Variants in SCN10A observed in about 807,000 individuals in gnomAD.
SCN10A encodes sodium channel protein type 10 subunit alpha.
Under a neutral mutation model 170.7 loss-of-function variants are expected in SCN10A, and 162 were observed. The observed-to-expected ratio is 0.95, with a 90% CI of 0.84 to 1.08. The LOEUF (loss-of-function observed/expected upper bound fraction) is 1.08. Among genes scored for constraint, SCN10A ranks in the 50% least tolerant of loss-of-function variants. The pLI, the probability that SCN10A is intolerant of heterozygous loss-of-function variation, is 0.00. For synonymous variants in SCN10A, 985 were observed against 904.6 expected (o/e 1.09, Z -1.59); for missense variants, 2,527 against 2,436.9 (o/e 1.04, Z -0.78).
chr3:38,797,964 G>T (rs954957954), intron 1 of SCN10A, among the ~76,000 whole-genome samples: 9 of 152,174 alleles, frequency 5.9e-5, no homozygotes, highest in Non-Finnish European at 1.2e-4. Context: ...ATGTAGGTAT[G>T]AGGGACCAGT....
intron 16 of SCN10A, 81 bp downstream of exon 16, chr3:38,728,461 C>T (rs1276781099): frequency 7.1e-6 from 10 of 1,413,252 alleles, no homozygotes; most frequent in Non-Finnish European, 9.4e-6. Flanking sequence ...CATAAAAATG[C>T]AGATCAAAGC....
chr3:38,723,539 T>C lies in SCN10A; in HGVS notation c.3243A>G (p.Thr1081=), dbSNP rs749507043. The part of the protein sequence containing the change: ...PQVPAEGVDD[T]SSSEGSTVDC... ...CCACCGTGCTGCCCTCAGAGGAGCT[T>C]GTGTCGTCCACTCCCTGCAGGGGAG... The change falls in exon 19 of 28, where the codon ACA becomes ACG. Residue 1081 remains threonine, a synonymous_variant. Transcript: ENST00000449082. 1.3e-6 allele frequency: 2 copies of C among 1,599,328 alleles called. No homozygotes were observed. Among genetic ancestry groups the C allele is most frequent in the Non-Finnish European group, 1.7e-6 (2 of 1,172,326 alleles).
chr3:38,736,482 AT>A (rs1460549380), intron 15 of SCN10A, among the ~76,000 whole-genome samples: 2 of 151,860 alleles, frequency 1.3e-5, no homozygotes, highest in African/African-American at 4.8e-5. Context: ...TGTCCTGAAA[AT>A]AAAGTCTATT....
At chr3:38,763,763 T>A (rs926955571) in intron 5 of SCN10A, among the ~76,000 whole-genome samples, 167 bp from the exon 6 acceptor site, 2 of 152,216 alleles carry the variant, frequency 1.3e-5, no homozygotes, top group East Asian at 3.8e-4. Flanking sequence ...ACTGATTTCA[T>A]TATTGCAACA....
At chr3:38,722,192 G>C in intron 20 of SCN10A, 66 bp downstream of exon 20, 1 of 1,495,962 alleles carries the variant, frequency 6.7e-7, no homozygotes. Flanking sequence ...TGCAGCTCCA[G>C]GGCCTTTGGA....
intron 3 of SCN10A, 40 bp from the exon 4 acceptor site, chr3:38,789,076 T>G (rs762942133): frequency 8.7e-7 from 1 of 1,144,190 alleles, no homozygotes; most frequent in Admixed American, 1.7e-5. Context: ...GATCACCAAG[T>G]CTCTGTGATG....
intron 21 of SCN10A, among the ~76,000 whole-genome samples, chr3:38,714,827 T>C (rs62242432): frequency 0.062 from 9,384 of 152,146 alleles, 343 homozygotes; most frequent in South Asian, 0.11. Context: ...GAAACTTACA[T>C]GAAAAAAGTT....
Position 38,757,054 on chromosome 3 carries a change from G to A in SCN10A, c.1056C>T (p.Leu352=), listed in dbSNP as rs1330425734. ...GGCGTTCCCAGGAATCCTGTGTCATGAGGCGGAACAGTGAGAGGAAAGCCC... is the reference window on the plus strand; with the variant it reads ...GGCGTTCCCAGGAATCCTGTGTCATAAGGCGGAACAGTGAGAGGAAAGCCC... The part of the protein sequence containing the change: ...FAWAFLSLFR[L]MTQDSWERLY... The change falls in exon 9 of 28, where the codon CTC becomes CTT. Residue 352 remains leucine, a synonymous_variant. Coordinates refer to ENST00000449082, the MANE Select transcript of SCN10A (RefSeq NM_006514.4). The A allele has an allele frequency of 6.2e-7, 1 of 1,613,310 alleles. No individual in the cohort carries two copies.
chr3:38,708,862 G>A (rs553260454), intron 25 of SCN10A, among the ~76,000 whole-genome samples: 11 of 152,248 alleles, frequency 7.2e-5, no homozygotes, highest in African/African-American at 2.4e-4. Context: ...CTTTTCTCTC[G>A]GGATCTCAGT....
intron 4 of SCN10A, among the ~76,000 whole-genome samples, chr3:38,785,385 G>T (rs987795333): frequency 6.6e-6 from 1 of 152,146 alleles, no homozygotes; most frequent in African/African-American, 2.4e-5. Context: ...ATGGGGAAAG[G>T]ATTCCCTATT....
chr3:38,799,383 G>A (rs1329939692), intron 1 of SCN10A, among the ~76,000 whole-genome samples: 1 of 152,156 alleles, frequency 6.6e-6, no homozygotes, highest in Admixed American at 6.6e-5. Context: ...TCCCCAATGT[G>A]TTCTGCAGAA....
At chr3:38,766,735 T>C (rs1327983585) in intron 5 of SCN10A, among the ~76,000 whole-genome samples, 2 of 152,140 alleles carry the variant, frequency 1.3e-5, no homozygotes. Flanking sequence ...AGGGTGATAC[T>C]GGCTTCATAA....
rs1476277900 is a variant in SCN10A, at chr3:38,771,546, GGGAAGAA to G, written c.471-146_471-140del. Reference sequence around the variant, plus strand: ...AAAGAATATCACCAAGGTGATGAGGGGGAAGAAGGTAAGGAGAGGAAACAAGACACAG... The same window carrying G: ...AAAGAATATCACCAAGGTGATGAGGGGGTAAGGAGAGGAAACAAGACACAG... On this transcript the variant is annotated intron_variant, in intron 4 of 27. Transcript: ENST00000449082. The G allele has an allele frequency of 4.9e-6, 4 of 814,042 alleles. No homozygotes were observed. The African/African-American group carries it at 6.8e-5, about 14-fold the overall frequency. 50.4% of individuals were successfully genotyped at this position (814,042 alleles called of 1,614,324 possible).
At chr3:38,768,245 A>T (rs752425890) in intron 5 of SCN10A, among the ~76,000 whole-genome samples, 9 of 151,852 alleles carry the variant, frequency 5.9e-5, no homozygotes, top group South Asian at 2.1e-4. Flanking sequence ...TACACTCAAC[A>T]TCAGTATTGA....
At chr3:38,703,191 C>T (rs2063175108) in intron 26 of SCN10A, among the ~76,000 whole-genome samples, 1 of 152,210 alleles carries the variant, frequency 6.6e-6, no homozygotes, top group Non-Finnish European at 1.5e-5. Context: ...TTCTTCATTA[C>T]TGCCGCTTGC....
chr3:38,715,350 C>A (rs556708490), intron 21 of SCN10A, among the ~76,000 whole-genome samples: 1 of 152,236 alleles, frequency 6.6e-6, no homozygotes, highest in African/African-American at 2.4e-5. Context: ...AGTCTCCAGG[C>A]CCTAGTACTG....
Position 38,697,254 on chromosome 3 carries a change from G to A in SCN10A, c.*95C>T. The A allele has an allele frequency of 2.0e-6, 3 of 1,535,754 alleles. No individual in the cohort carries two copies. Among genetic ancestry groups the A allele is most frequent in the Admixed American group, 3.8e-5 (2 of 52,504 alleles). On this transcript the variant is annotated 3_prime_UTR_variant, in exon 28 of 28. Transcript: ENST00000449082. ...ATTGTGACCAGTGGCATGCATTGGT[G>A]AGGCTGTAGCTGGGTGTGATCTGCA...
chr3:38,788,626 G>GT (rs71301300), intron 4 of SCN10A, among the ~76,000 whole-genome samples: 16,549 of 149,632 alleles, frequency 0.11, 952 homozygotes, highest in Middle Eastern at 0.19. Flanking sequence ...GTGTTGGGGG[G>GT]GGGTGGGGGC....
chr3:38,765,553 C>T (rs1391597165), intron 5 of SCN10A, among the ~76,000 whole-genome samples: 1 of 152,100 alleles, frequency 6.6e-6, no homozygotes, highest in Admixed American at 6.6e-5. Flanking sequence ...GTTCTCTATT[C>T]TTTTCCATTG....
Sources: gnomAD v4.1 joint callset for allele counts (sites outside exome capture counted in the v4.1 genomes callset) on GRCh38, gnomAD v4.1.1 for gene constraint, MANE v1.5 for transcripts, NCBI Gene and HGNC (gene_info 2026-07-23, HGNC 2026-07-21) for gene names.